The following TMTC1 variants were observed in gnomAD, a reference collection of about 807,000 sequenced individuals.
TMTC1 encodes transmembrane O-mannosyltransferase targeting cadherins 1.
Under a neutral mutation model 104.8 loss-of-function variants are expected in TMTC1, and 73 were observed. The observed-to-expected ratio is 0.70, with a 90% CI of 0.58 to 0.85. The LOEUF (loss-of-function observed/expected upper bound fraction) is 0.85, where lower values mean the gene tolerates loss of function less well. TMTC1 is among the 40% of genes least tolerant of loss of function. The pLI is 0.00. For synonymous variants in TMTC1, 434 were observed against 428.7 expected (o/e 1.01, Z -0.15); for missense variants, 1,035 against 1,096.1 (o/e 0.94, Z 0.79).
intron 9 of TMTC1, among the ~76,000 whole-genome samples, chr12:29,559,630 T>C (rs1358190649): frequency 6.6e-6 from 1 of 152,208 alleles, no homozygotes; most frequent in African/African-American, 2.4e-5. Flanking sequence ...GAGGGACCAA[T>C]TATAGTCCGG....
chr12:29,689,200 T>C (rs1941188509), intron 5 of TMTC1, among the ~76,000 whole-genome samples: 1 of 151,886 alleles, frequency 6.6e-6, no homozygotes, highest in Non-Finnish European at 1.5e-5. Flanking sequence ...AACCTCAGAG[T>C]GTGTACCACC....
At chr12:29,612,868 T>A (rs1433898080) in intron 6 of TMTC1, among the ~76,000 whole-genome samples, 1 of 152,204 alleles carries the variant, frequency 6.6e-6, no homozygotes, top group Admixed American at 6.5e-5. Flanking sequence ...TGGATAATAA[T>A]CACTTTTGAC....
intron 5 of TMTC1, among the ~76,000 whole-genome samples, chr12:29,662,846 T>C (rs2136650077): frequency 6.6e-6 from 1 of 152,282 alleles, no homozygotes; most frequent in African/African-American, 2.4e-5. Context: ...CGTTCAAGTA[T>C]TTAATGAGTG....
chr12:29,644,104 A>ATTT (rs1939142464), intron 5 of TMTC1, among the ~76,000 whole-genome samples: 1 of 59,618 alleles, frequency 1.7e-5, no homozygotes, highest in African/African-American at 6.2e-5. Flanking sequence ...TAAATATATA[A>ATTT]ATATATATGT....
At chr12:29,612,449 C>G (rs1946869500) in intron 6 of TMTC1, among the ~76,000 whole-genome samples, 1 of 152,148 alleles carries the variant, frequency 6.6e-6, no homozygotes, top group Non-Finnish European at 1.5e-5. Flanking sequence ...TGCTCTTGCT[C>G]TGTCGCCCAG....
chr12:29,705,712 C>G (rs1285446217), intron 5 of TMTC1, among the ~76,000 whole-genome samples: 9 of 152,140 alleles, frequency 5.9e-5, no homozygotes, highest in Non-Finnish European at 1.3e-4. Flanking sequence ...ATGAGGTACA[C>G]ATTTTATTAA....
chr12:29,671,988 G>C (rs1166958193), intron 5 of TMTC1, among the ~76,000 whole-genome samples: 1 of 152,170 alleles, frequency 6.6e-6, no homozygotes, highest in African/African-American at 2.4e-5. Flanking sequence ...ATACAGTATA[G>C]GCAGCCCTCT....
At chr12:29,527,597 C>T (rs749402716) in intron 11 of TMTC1, among the ~76,000 whole-genome samples, 2 of 152,328 alleles carry the variant, frequency 1.3e-5, no homozygotes, top group African/African-American at 2.4e-5. Context: ...ATCTGAAAAA[C>T]ATCTTTATAA....
chr12:29,775,202 T>A (rs1943679698), intron 1 of TMTC1, among the ~76,000 whole-genome samples: 1 of 152,318 alleles, frequency 6.6e-6, no homozygotes, highest in Non-Finnish European at 1.5e-5. Flanking sequence ...TAGTTTTAAC[T>A]GAGCTGTCAA....
chr12:29,755,647 A>ATTG (rs3830194), intron 4 of TMTC1, 62 bp downstream of exon 4: 2 of 1,431,714 alleles, frequency 1.4e-6, no homozygotes, highest in Non-Finnish European at 1.9e-6. Flanking sequence ...TTTGGAAACT[A>ATTG]TTAAGTAATT....
chr12:29,661,026 G>T, intron 5 of TMTC1: 1 of 384,588 alleles, frequency 2.6e-6, no homozygotes, highest in Non-Finnish European at 4.2e-6. Context: ...CAGAACACCT[G>T]GGTTTCCGTT....
chr12:29,560,097 G>A (rs1048407720), intron 9 of TMTC1, among the ~76,000 whole-genome samples: 4 of 152,202 alleles, frequency 2.6e-5, no homozygotes, highest in Non-Finnish European at 2.9e-5. Context: ...TTGGAAAGAT[G>A]AATAATGTAA....
intron 4 of TMTC1, 115 bp downstream of exon 4, chr12:29,755,594 G>T: frequency 1.2e-6 from 1 of 865,400 alleles, no homozygotes; most frequent in Non-Finnish European, 1.8e-6. Context: ...ACAGTCTAAG[G>T]TGAGATGACA....
chr12:29,653,803 C>T (rs1235170970), intron 5 of TMTC1, among the ~76,000 whole-genome samples: 1 of 152,210 alleles, frequency 6.6e-6, no homozygotes, highest in Non-Finnish European at 1.5e-5. Flanking sequence ...GATGATCCAA[C>T]TCTGTAAGGA....
At chr12:29,723,870 C>G (rs1313267355) in intron 5 of TMTC1, among the ~76,000 whole-genome samples, 1 of 151,622 alleles carries the variant, frequency 6.6e-6, no homozygotes, top group East Asian at 1.9e-4. Context: ...ATATGGATAA[C>G]AAGAAAGAAA....
intron 5 of TMTC1, among the ~76,000 whole-genome samples, chr12:29,737,902 C>T (rs1421955250): frequency 6.6e-6 from 1 of 152,200 alleles, no homozygotes; most frequent in Non-Finnish European, 1.5e-5. Flanking sequence ...CTCCCTTTTC[C>T]TTTCCAATGG....
At chr12:29,730,594 T>C (rs1002406528) in intron 5 of TMTC1, among the ~76,000 whole-genome samples, 1 of 152,170 alleles carries the variant, frequency 6.6e-6, no homozygotes, top group Admixed American at 6.5e-5. Flanking sequence ...CTGAGAAGGA[T>C]CACCGGATGA....
At chr12:29,597,874 A>G (rs879351563) in intron 7 of TMTC1, among the ~76,000 whole-genome samples, 1 of 152,198 alleles carries the variant, frequency 6.6e-6, no homozygotes, top group Non-Finnish European at 1.5e-5. Context: ...TCTTATCATC[A>G]TGACAAGAAT....
intron 7 of TMTC1, among the ~76,000 whole-genome samples, chr12:29,586,583 G>T (rs1021671749): frequency 2.6e-5 from 4 of 152,000 alleles, no homozygotes; most frequent in Non-Finnish European, 5.9e-5. Context: ...GTCATAGATA[G>T]CTCTTATTAT....
Sources: gnomAD v4.1 joint callset for allele counts (sites outside exome capture counted in the v4.1 genomes callset) on GRCh38, gnomAD v4.1.1 for gene constraint, MANE v1.5 for transcripts, NCBI Gene and HGNC (gene_info 2026-07-23, HGNC 2026-07-21) for gene names.